RTL4: variants seen among roughly 807,000 people sequenced by gnomAD.
The protein encoded by RTL4 is retrotransposon Gag like 4.
RTL4 carries 4 observed loss-of-function variants against 5.3 expected under a neutral mutation model. The ratio of observed to expected loss-of-function variants is 0.75; its 90% CI spans 0.37 to 1.72. RTL4 has a LOEUF of 1.72. Ranked by LOEUF, RTL4 falls within the 40% of genes most tolerant of loss-of-function variation. The pLI, the probability that RTL4 is intolerant of heterozygous loss-of-function variation, is 0.04. For synonymous variants in RTL4, 98 were observed against 87.3 expected (o/e 1.12, Z -0.68); for missense variants, 260 against 227.1 (o/e 1.14, Z -0.93).
the RTL4 span, among the ~76,000 whole-genome samples, chrX:112,094,823 T>C: frequency 6.3e-5 from 7 of 111,530 alleles, no homozygotes; most frequent in African/African-American, 2.3e-4. Context: ...AATAACACAA[T>C]GGTGATTGAT....
At chrX:112,214,879 C>G in the RTL4 span, among the ~76,000 whole-genome samples, 1 of 110,165 alleles carries the variant, frequency 9.1e-6, no homozygotes, top group Non-Finnish European at 1.9e-5. Context: ...AACTCCGCCT[C>G]CCACATTCAT....
At chrX:112,280,796 T>C in the RTL4 span, among the ~76,000 whole-genome samples, 4 of 111,844 alleles carry the variant, frequency 3.6e-5, no homozygotes, top group Non-Finnish European at 5.6e-5. Flanking sequence ...AACCCGGCCC[T>C]AAAATGAAAG....
the RTL4 span, among the ~76,000 whole-genome samples, chrX:112,148,132 C>G: frequency 3.6e-5 from 4 of 110,519 alleles, no homozygotes; most frequent in Non-Finnish European, 5.7e-5. Context: ...ATGGGAAGAG[C>G]ATTATTTGAC....
the RTL4 span, among the ~76,000 whole-genome samples, chrX:112,250,856 T>C: frequency 8.9e-6 from 1 of 112,369 alleles, no homozygotes; most frequent in East Asian, 2.8e-4. Flanking sequence ...CAATTCTGTT[T>C]ATGTATGTAG....
chrX:112,229,378 A>T, the RTL4 span, among the ~76,000 whole-genome samples: 1 of 112,318 alleles, frequency 8.9e-6, no homozygotes, highest in Admixed American at 9.4e-5. Flanking sequence ...CACTTTACAG[A>T]TGAGGAAATC....
chrX:112,280,482 T>C, the RTL4 span, among the ~76,000 whole-genome samples: 2 of 110,861 alleles, frequency 1.8e-5, no homozygotes, highest in South Asian at 7.7e-4. Context: ...TTTTTGTGTG[T>C]TTGTTTTTCT....
At chrX:112,196,364 A>T in the RTL4 span, among the ~76,000 whole-genome samples, 1 of 111,348 alleles carries the variant, frequency 9.0e-6, no homozygotes, top group African/African-American at 3.3e-5. Context: ...AATGTTACAT[A>T]GTTTGTGTAA....
the RTL4 span, among the ~76,000 whole-genome samples, chrX:112,421,142 A>AT: frequency 9.0e-6 from 1 of 111,554 alleles, no homozygotes; most frequent in East Asian, 2.8e-4. Context: ...GCTCTGTTGT[A>AT]TTTTTATATC....
the RTL4 span, among the ~76,000 whole-genome samples, chrX:112,436,266 G>T: frequency 9.1e-6 from 1 of 110,447 alleles, no homozygotes; most frequent in African/African-American, 3.3e-5. Context: ...TCTTCCTAAC[G>T]AACTTTGTTT....
At chrX:112,149,985 T>C in the RTL4 span, among the ~76,000 whole-genome samples, 7 of 111,227 alleles carry the variant, frequency 6.3e-5, no homozygotes, top group Non-Finnish European at 1.3e-4. Context: ...CTTTGGGGAT[T>C]TCTGGTAGAC....
chrX:112,282,713 T>C, the RTL4 span, among the ~76,000 whole-genome samples: 3 of 111,823 alleles, frequency 2.7e-5, no homozygotes, highest in African/African-American at 9.7e-5. Context: ...TTTATCTCCT[T>C]GGATACATTT....
chrX:112,206,310 G>A, the RTL4 span, among the ~76,000 whole-genome samples: 4 of 111,438 alleles, frequency 3.6e-5, no homozygotes, highest in Non-Finnish European at 7.5e-5. Flanking sequence ...CAAAATATAG[G>A]AGCCAGCCAG....
the RTL4 span, among the ~76,000 whole-genome samples, chrX:112,140,313 G>T: frequency 9.0e-6 from 1 of 111,549 alleles, no homozygotes; most frequent in Admixed American, 9.5e-5. Flanking sequence ...TGGGAAAATG[G>T]TATGAAAAAT....
chrX:112,455,543 C>T (rs781193899), exon 1 of RTL4: 2 of 1,211,568 alleles, frequency 1.7e-6, no homozygotes, highest in South Asian at 3.5e-5. Context: ...GCCAAACGAG[C>T]CCGCCAGCAA....
chrX:112,145,997 G>T, the RTL4 span, among the ~76,000 whole-genome samples: 1 of 112,240 alleles, frequency 8.9e-6, no homozygotes. Flanking sequence ...TTAAGCAGAG[G>T]AATCAAATTG....
chrX:112,293,653 G>T, the RTL4 span, among the ~76,000 whole-genome samples: 3 of 111,962 alleles, frequency 2.7e-5, no homozygotes, highest in Non-Finnish European at 3.8e-5. Context: ...GGCACTAAGA[G>T]AAATCAAATT....
At chrX:112,291,426 G>T in the RTL4 span, among the ~76,000 whole-genome samples, 1 of 109,351 alleles carries the variant, frequency 9.1e-6, no homozygotes, top group Non-Finnish European at 1.9e-5. Flanking sequence ...ACATTGATGG[G>T]GTGGTGGGGT....
chrX:112,440,996 G>T, the RTL4 span, among the ~76,000 whole-genome samples: 1 of 111,329 alleles, frequency 9.0e-6, no homozygotes, highest in African/African-American at 3.3e-5. Context: ...CCAGAAGTCA[G>T]GTGAAAGGGC....
At chrX:112,382,923 C>T in the RTL4 span, among the ~76,000 whole-genome samples, 1 of 111,868 alleles carries the variant, frequency 8.9e-6, no homozygotes, top group South Asian at 3.7e-4. Context: ...TTTGAAGAAA[C>T]ACCTGTAGCA....
Sources: allele counts gnomAD v4.1 joint callset (sites outside exome capture counted in the v4.1 genomes callset), GRCh38; gene constraint gnomAD v4.1.1; transcripts MANE v1.5; gene names NCBI Gene and HGNC (gene_info 2026-07-23, HGNC 2026-07-21).